RYR3: variants seen among roughly 807,000 people sequenced by gnomAD.
RYR3 encodes the protein ryanodine receptor 3.
Under a neutral mutation model 584.3 loss-of-function variants are expected in RYR3, and 207 were observed. That is an observed-to-expected ratio of 0.35 (90% CI 0.32 to 0.40). The LOEUF (loss-of-function observed/expected upper bound fraction) is 0.40. Ranked by LOEUF, RYR3 falls within the 10% of genes least tolerant of loss-of-function variation. The pLI, the probability that RYR3 is intolerant of heterozygous loss-of-function variation, is 1.00. For synonymous variants in RYR3, 2,416 were observed against 2,248.5 expected (o/e 1.07, Z -2.11); for missense variants, 5,616 against 6,089.2 (o/e 0.92, Z 2.59).
intron 21 of RYR3, among the ~76,000 whole-genome samples, chr15:33,629,491 T>C (rs1234823445): frequency 1.3e-5 from 2 of 152,266 alleles, no homozygotes; most frequent in African/African-American, 4.8e-5. Context: ...TTCTTTTTGA[T>C]TTTCTAATGT....
In RYR3 at chr15:33,800,853, C is replaced by G; in HGVS notation, c.9914C>G (p.Ser3305Cys). 6.2e-7 allele frequency: 1 copy of G among 1,609,040 alleles called. No individual in the cohort carries two copies. Among genetic ancestry groups the G allele is most frequent in the Non-Finnish European group, 8.5e-7 (1 of 1,175,332 alleles). ...VAEVFILWCK[S>C]HNFKREEQNF... ...GAAGTCTTCATTCTGTGGTGTAAAT[C>G]TCATGTAAGAACACATTTGGGCCCT... The change falls in exon 68 of 104, where the codon TCT (serine) becomes TGT (cysteine). Residue 3305 changes from serine to cysteine, a missense_variant. Around this residue, in one of 9 missense-constraint regions of RYR3, gnomAD observed 954 missense variants for 1,132.2 expected, o/e 0.84. Coordinates refer to ENST00000634891, the MANE Select transcript of RYR3 (RefSeq NM_001036.6).
At chr15:33,459,071 G>A (rs2047802947) in intron 1 of RYR3, among the ~76,000 whole-genome samples, 1 of 152,186 alleles carries the variant, frequency 6.6e-6, no homozygotes, top group Non-Finnish European at 1.5e-5. Context: ...TGTGACCTGG[G>A]AAGTGCTTCA....
At chr15:33,585,246 G>A (rs1244975901) in intron 15 of RYR3, among the ~76,000 whole-genome samples, 7 of 152,054 alleles carry the variant, frequency 4.6e-5, no homozygotes, top group African/African-American at 7.2e-5. Flanking sequence ...TCAGTGCCTC[G>A]GTCTCATGGG....
chr15:33,662,843 G>A lies in RYR3; in HGVS notation c.5313G>A (p.Val1771=). ...GTEEGAEKEE[V]TQVEEKAVEA... is the part of the protein sequence containing the mutation. The stretch of plus-strand genomic sequence containing the variant: ...AGGAGGGAGCAGAAAAGGAGGAAGT[G>A]ACCCAGGTGGAGGAGAAGGCTGTGG... Residue 1771 remains valine (V), a synonymous_variant, in exon 35 of 104, where the codon GTG becomes GTA. Transcript: ENST00000634891. 1 of 1,613,888 alleles carries A rather than the reference G, an allele frequency of 6.2e-7. No homozygotes were observed. The highest frequency in any genetic ancestry group is 8.5e-7 in the Non-Finnish European group (1 of 1,179,892).
chr15:33,861,506 G>C (rs1888207716), intron 102 of RYR3, among the ~76,000 whole-genome samples: 1 of 148,632 alleles, frequency 6.7e-6, no homozygotes, highest in Non-Finnish European at 1.5e-5. Flanking sequence ...CCTAAACAAA[G>C]AAAAATCTGT....
chr15:33,736,177 C>G, intron 48 of RYR3, 58 bp from the exon 49 acceptor site: 1 of 1,122,282 alleles, frequency 8.9e-7, no homozygotes, highest in South Asian at 1.3e-5. Flanking sequence ...TTCTTTCATT[C>G]CTCCTTTATT....
intron 64 of RYR3, among the ~76,000 whole-genome samples, chr15:33,777,340 T>A (rs2074061123): frequency 6.6e-6 from 1 of 152,198 alleles, no homozygotes; most frequent in Admixed American, 6.5e-5. Context: ...AGCCTTATAT[T>A]AATAACAGCA....
Position 33,812,953 on chromosome 15 carries a change from C to T in RYR3, c.10348C>T (p.Arg3450Cys). 8 of 1,613,966 alleles carry T rather than the reference C, an allele frequency of 5.0e-6. No individual in the cohort carries two copies. Among genetic ancestry groups the T allele is most frequent in the Non-Finnish European group, 6.8e-6 (8 of 1,179,870 alleles). ...EPFNPEKTVE[R>C]VQRISAAVFH... ...TTTCAATCCGGAAAAGACAGTGGAG[C>T]GTGTGCAGAGAATTTCAGCAGCTGT... is the stretch of plus-strand genomic sequence containing the variant. Residue 3450 changes from arginine (R) to cysteine (C), a missense_variant, in exon 73 of 104, where the codon CGT (arginine) becomes TGT (cysteine). By Grantham distance (180) the Arg-to-Cys change is radical (BLOSUM62 -3). This residue lies in a region of RYR3 where 954 missense variants were observed against 1,132.2 expected (regional missense o/e 0.84). Coordinates refer to ENST00000634891, the MANE Select transcript of RYR3 (RefSeq NM_001036.6).
At chr15:33,486,093 G>A (rs747769264) in intron 2 of RYR3, among the ~76,000 whole-genome samples, 4 of 152,162 alleles carry the variant, frequency 2.6e-5, no homozygotes, top group East Asian at 1.9e-4. Context: ...GACTTGGAGC[G>A]TGGAAGATCG....
chr15:33,860,861 G>C (rs950818921), intron 101 of RYR3, among the ~76,000 whole-genome samples: 1 of 151,510 alleles, frequency 6.6e-6, no homozygotes, highest in African/African-American at 2.4e-5. Flanking sequence ...CCCACAATAG[G>C]AGGGAGCAGT....
Position 33,613,354 on chromosome 15 carries a change from T to C in RYR3, c.2336T>C (p.Met779Thr), listed in dbSNP as rs775299974. Residue 779 changes from methionine (M) to threonine (T), a missense_variant, in exon 19 of 104, where the codon ATG becomes ACG. Transcript: ENST00000634891. ...FNTDGLFFPV[M>T]SFSAGVKVRF... ...ACAGACGGGCTCTTCTTCCCTGTGA[T>C]GAGCTTTTCAGCAGGTGTCAAGTAA... 6.2e-7 allele frequency: 1 copy of C among 1,607,594 alleles called. No homozygotes were observed. Among genetic ancestry groups the C allele is most frequent in the South Asian group, 1.1e-5 (1 of 90,092 alleles).
At chr15:33,799,852 C>T (rs186751218) in intron 67 of RYR3, among the ~76,000 whole-genome samples, 2 of 152,250 alleles carry the variant, frequency 1.3e-5, no homozygotes, top group East Asian at 3.9e-4. Context: ...CAGTCAGTGT[C>T]TGAAGAGTTG....
chr15:33,377,214 A>G (rs570587365), intron 1 of RYR3, among the ~76,000 whole-genome samples: 2 of 152,302 alleles, frequency 1.3e-5, no homozygotes, highest in South Asian at 4.1e-4. Flanking sequence ...CTGAAATCTC[A>G]GTGTCTTAAC....
At chr15:33,829,894 G>A (rs2077578824) in intron 85 of RYR3, among the ~76,000 whole-genome samples, 1 of 152,114 alleles carries the variant, frequency 6.6e-6, no homozygotes, top group South Asian at 2.1e-4. Context: ...AGACGTGTTG[G>A]AAATAGCAAG....
intron 10 of RYR3, among the ~76,000 whole-genome samples, chr15:33,555,858 C>T (rs768454228): frequency 2.0e-5 from 3 of 152,150 alleles, no homozygotes; most frequent in Admixed American, 2.0e-4. Context: ...CAGAGGAAGG[C>T]GTTCCTCCTC....
intron 12 of RYR3, among the ~76,000 whole-genome samples, chr15:33,567,094 A>C (rs903954141): frequency 6.6e-6 from 1 of 152,210 alleles, no homozygotes; most frequent in African/African-American, 2.4e-5. Context: ...GCATAGGTCC[A>C]TTTTATGTTT....
In RYR3 at chr15:33,663,688, C is replaced by T. The variant is rs1239804567; in HGVS notation, c.5570C>T (p.Ala1857Val). The T allele has an allele frequency of 1.9e-6, 3 of 1,611,810 alleles. No homozygotes were observed. The highest frequency in any genetic ancestry group is 2.5e-6 in the Non-Finnish European group (3 of 1,179,292). The change falls in exon 36 of 104, where the codon GCC becomes GTC. Residue 1857 changes from alanine to valine, a missense_variant. Around this residue, in one of 9 missense-constraint regions of RYR3, gnomAD observed 1,280 missense variants for 1,426.2 expected, o/e 0.90. Coordinates refer to ENST00000634891, the MANE Select transcript of RYR3 (RefSeq NM_001036.6). ...ATGCAGGCCCTGAACATGTCTGCGGCCCTGACTGCCCGGAAGACCAAGGAG... is the reference window on the plus strand; with the variant it reads ...ATGCAGGCCCTGAACATGTCTGCGGTCCTGACTGCCCGGAAGACCAAGGAG... ...ELMQALNMSA[A>V]LTARKTKEFR...
intron 1 of RYR3, among the ~76,000 whole-genome samples, chr15:33,385,710 CT>C (rs10682215): frequency 4.6e-5 from 6 of 131,382 alleles, no homozygotes; most frequent in East Asian, 2.1e-4. Context: ...TTTTTCTTTT[CT>C]TTTTTTTTTT....
intron 41 of RYR3, 79 bp from the exon 42 acceptor site, chr15:33,700,897 CT>C: frequency 2.0e-6 from 2 of 981,854 alleles, no homozygotes; most frequent in Non-Finnish European, 3.1e-6. Context: ...CTCCTGTCCG[CT>C]TACGTGCACT....
Sources: gnomAD v4.1 joint callset for allele counts (sites outside exome capture counted in the v4.1 genomes callset) on GRCh38, gnomAD v4.1.1 for gene constraint, gnomAD v4.1.1 regional missense constraint, MANE v1.5 for transcripts, NCBI Gene and HGNC (gene_info 2026-07-23, HGNC 2026-07-21) for gene names.